The following SPATA6 variants were observed in gnomAD, a reference collection of about 807,000 sequenced individuals.
SPATA6 encodes the protein spermatogenesis associated 6.
SPATA6 carries 56 observed loss-of-function variants against 65.3 expected under a neutral mutation model. The observed-to-expected ratio is 0.86, with a 90% CI of 0.69 to 1.07. SPATA6 has a LOEUF of 1.07. Among genes scored for constraint, SPATA6 ranks in the 50% least tolerant of loss-of-function variants. The pLI is 0.00. For synonymous variants in SPATA6, 199 were observed against 213.2 expected (o/e 0.93, Z 0.58); for missense variants, 590 against 594.8 (o/e 0.99, Z 0.08).
the SPATA6 span, among the ~76,000 whole-genome samples, chr1:48,283,806 T>G: frequency 6.6e-6 from 1 of 152,118 alleles, no homozygotes; most frequent in Non-Finnish European, 1.5e-5. Flanking sequence ...CTACTGTTAT[T>G]CTGATGGGCT....
intron 9 of SPATA6, among the ~76,000 whole-genome samples, chr1:48,375,889 G>C (rs1647840642): frequency 6.6e-6 from 1 of 152,058 alleles, no homozygotes; most frequent in African/African-American, 2.4e-5. Flanking sequence ...TGTTTGAAAG[G>C]TACCTTAAAA....
intron 12 of SPATA6, among the ~76,000 whole-genome samples, chr1:48,303,018 TC>T (rs1644977383): frequency 6.6e-6 from 1 of 152,066 alleles, no homozygotes; most frequent in Non-Finnish European, 1.5e-5. Flanking sequence ...CAATATGACT[TC>T]CCTAGTAGAA....
At chr1:48,389,065 G>A (rs562478806) in intron 8 of SPATA6, among the ~76,000 whole-genome samples, 1 of 152,082 alleles carries the variant, frequency 6.6e-6, no homozygotes, top group South Asian at 2.1e-4. Context: ...GGCTGGTCTC[G>A]AAGTCCTGGC....
At chr1:48,360,345 A>C (rs1370835548) in intron 9 of SPATA6, among the ~76,000 whole-genome samples, 1 of 152,172 alleles carries the variant, frequency 6.6e-6, no homozygotes, top group Non-Finnish European at 1.5e-5. Flanking sequence ...ATTAAGTAAC[A>C]TGAGAAGCAG....
At chr1:48,274,429 G>C in the SPATA6 span, among the ~76,000 whole-genome samples, 1 of 152,146 alleles carries the variant, frequency 6.6e-6, no homozygotes, top group Non-Finnish European at 1.5e-5. Context: ...CTTATGTCCT[G>C]AATGGTATTG....
intron 4 of SPATA6, among the ~76,000 whole-genome samples, chr1:48,412,027 T>C (rs1190206178): frequency 6.6e-6 from 1 of 151,988 alleles, no homozygotes; most frequent in Admixed American, 6.6e-5. Context: ...CCACCACACC[T>C]AGCTATATAT....
At chr1:48,300,053 G>T (rs553946266) in intron 12 of SPATA6, among the ~76,000 whole-genome samples, 1 of 152,124 alleles carries the variant, frequency 6.6e-6, no homozygotes, top group African/African-American at 2.4e-5. Flanking sequence ...AAGAGAGCAC[G>T]CATGTAAGTG....
intron 9 of SPATA6, among the ~76,000 whole-genome samples, chr1:48,381,256 T>C (rs1350700840): frequency 6.6e-6 from 1 of 152,116 alleles, no homozygotes; most frequent in Non-Finnish European, 1.5e-5. Flanking sequence ...TCTATATAAG[T>C]GTTATATTCA....
chr1:48,469,377 T>C (rs115753085), intron 1 of SPATA6, among the ~76,000 whole-genome samples: 14,635 of 151,886 alleles, frequency 0.096, 858 homozygotes, highest in South Asian at 0.18. Flanking sequence ...CCAGTTTTAA[T>C]AGATACAGAG....
chr1:48,369,094 C>G (rs543036647), intron 9 of SPATA6, among the ~76,000 whole-genome samples: 5 of 152,288 alleles, frequency 3.3e-5, no homozygotes, highest in African/African-American at 9.6e-5. Flanking sequence ...GCAGTGGTGG[C>G]TGCAGAACAG....
chr1:48,353,182 A>G (rs1646560359), intron 11 of SPATA6, among the ~76,000 whole-genome samples: 1 of 151,984 alleles, frequency 6.6e-6, no homozygotes, highest in Admixed American at 6.6e-5. Context: ...ATACATGTAG[A>G]ATTAAGATGC....
intron 3 of SPATA6, among the ~76,000 whole-genome samples, chr1:48,422,085 A>G (rs1161105399): frequency 6.6e-6 from 1 of 152,220 alleles, no homozygotes; most frequent in Admixed American, 6.5e-5. Context: ...TGAAACAGGC[A>G]TAATGGGGGG....
At chr1:48,291,325 C>A (rs1644765954), downstream of SPATA6, among the ~76,000 whole-genome samples, 1 of 152,118 alleles carries the variant, frequency 6.6e-6, no homozygotes, top group Non-Finnish European at 1.5e-5. Flanking sequence ...CTTTGGCTAC[C>A]AGGGCGGGTA....
At chr1:48,431,786 A>G (rs1366361139) in intron 3 of SPATA6, among the ~76,000 whole-genome samples, 1 of 152,248 alleles carries the variant, frequency 6.6e-6, no homozygotes, top group Non-Finnish European at 1.5e-5. Flanking sequence ...GTACTAAGAG[A>G]GAAATCTACA....
intron 3 of SPATA6, among the ~76,000 whole-genome samples, chr1:48,416,545 A>G (rs1652805350): frequency 6.6e-6 from 1 of 152,186 alleles, no homozygotes; most frequent in African/African-American, 2.4e-5. Context: ...TATTTTATTT[A>G]AAACCTTACA....
rs1331753750 is a variant in SPATA6 at position 48,298,637 on chromosome 1, A to G, written c.*76T>C. 89 of 1,390,302 alleles carry G rather than the reference A, an allele frequency of 6.4e-5. No homozygotes were observed. Among genetic ancestry groups the G allele is most frequent in the Non-Finnish European group, 8.6e-5 (88 of 1,027,950 alleles). The allele number at this position is 1,390,302 out of a possible 1,614,324, so 86.1% of individuals were successfully genotyped here. A position where few individuals can be genotyped will look rare whatever the true frequency, so the allele number is the denominator to read the frequency against. On this transcript the variant is annotated 3_prime_UTR_variant, in exon 13 of 13. Coordinates refer to ENST00000371847, the MANE Select transcript of SPATA6 (RefSeq NM_019073.4). ...AATCCCATTTTTTTTAAAAAAAGGA[A>G]TACAGATATTGATCACATCAAACAT...
intron 11 of SPATA6, among the ~76,000 whole-genome samples, chr1:48,340,919 C>G (rs1211054596): frequency 6.6e-6 from 1 of 152,122 alleles, no homozygotes; most frequent in East Asian, 1.9e-4. Context: ...GAAACAAAGA[C>G]ATTTACAATA....
intron 1 of SPATA6, among the ~76,000 whole-genome samples, chr1:48,462,069 T>A (rs1385570285): frequency 1.3e-5 from 2 of 152,090 alleles, no homozygotes; most frequent in Non-Finnish European, 2.9e-5. Flanking sequence ...TTGGAAATCA[T>A]CATTCTCAGT....
intron 3 of SPATA6, among the ~76,000 whole-genome samples, chr1:48,434,039 A>G (rs1028913082): frequency 6.6e-6 from 1 of 152,160 alleles, no homozygotes; most frequent in African/African-American, 2.4e-5. Flanking sequence ...GGAGACCGAA[A>G]CAGCTATTCT....
Sources: gnomAD v4.1 joint callset for allele counts (sites outside exome capture counted in the v4.1 genomes callset) on GRCh38, gnomAD v4.1.1 for gene constraint, MANE v1.5 for transcripts, NCBI Gene and HGNC (gene_info 2026-07-23, HGNC 2026-07-21) for gene names.